HMCN1: variants seen among roughly 807,000 people sequenced by gnomAD.
HMCN1 encodes hemicentin-1.
In HMCN1, 321 loss-of-function variants were observed where a neutral mutation model predicts 625.9. The ratio of observed to expected loss-of-function variants is 0.51; its 90% confidence interval spans 0.47 to 0.56. HMCN1 has a LOEUF of 0.56. Ranked by LOEUF, HMCN1 falls within the 20% of genes least tolerant of loss-of-function variation. The pLI, the probability that HMCN1 is intolerant of heterozygous loss-of-function variation, is 0.00. For missense variants in HMCN1, 6,588 were observed against 6,887.3 expected, an observed-to-expected ratio of 0.96 and a Z score of 1.54; for synonymous variants, 2,425 against 2,417.6, an observed-to-expected ratio of 1.00 and a Z score of -0.09.
At chr1:185,867,849 T>A (rs1328001419) in intron 4 of HMCN1, among the ~76,000 whole-genome samples, 1 of 152,032 alleles carries the variant, frequency 6.6e-6, no homozygotes, top group Non-Finnish European at 1.5e-5. Flanking sequence ...AGCAGGTGGA[T>A]CACAAGGTCA....
chr1:186,094,410 G>C (rs1156737877), intron 67 of HMCN1, 37 bp downstream of exon 67: 1 of 1,457,116 alleles, frequency 6.9e-7, no homozygotes, highest in Admixed American at 1.7e-5. Context: ...ACTTTGCTAT[G>C]TCAAGTATTA....
chr1:185,940,879 T>C (rs1571589691), intron 11 of HMCN1, among the ~76,000 whole-genome samples: 2 of 152,338 alleles, frequency 1.3e-5, no homozygotes, highest in Middle Eastern at 3.4e-3. Flanking sequence ...TTCTCCTGCC[T>C]CAGCCTCCTC....
At chr1:186,011,844 C>T (rs1558142012) in intron 30 of HMCN1, among the ~76,000 whole-genome samples, 1 of 152,158 alleles carries the variant, frequency 6.6e-6, no homozygotes, top group Non-Finnish European at 1.5e-5. Flanking sequence ...CATTTTGAAA[C>T]ACTATGAAGT....
intron 17 of HMCN1, among the ~76,000 whole-genome samples, 161 bp downstream of exon 17, chr1:185,981,234 G>A (rs1471058251): frequency 6.6e-6 from 1 of 151,948 alleles, no homozygotes; most frequent in Non-Finnish European, 1.5e-5. Flanking sequence ...TTCTTAGAAT[G>A]TTAGTCCTGG....
intron 1 of HMCN1, among the ~76,000 whole-genome samples, chr1:185,834,934 T>C (rs1014789423): frequency 1.3e-5 from 2 of 152,166 alleles, no homozygotes. Context: ...GCCTCTTATA[T>C]AGAAAAAATA....
rs375218696 is a variant in HMCN1 at position 186,154,014 on chromosome 1, C to A, written c.15256+27C>A. 36 of 1,562,760 alleles carry A rather than the reference C, an allele frequency of 2.3e-5. No homozygotes were observed. The African/African-American group carries it at 3.8e-4, about 16-fold the overall frequency. On this transcript the variant is annotated intron_variant, in intron 97 of 106. Coordinates refer to ENST00000271588, the MANE Select transcript of HMCN1 (RefSeq NM_031935.3). Reference sequence around the variant, plus strand: ...TAATTTGATAAAAGAAAATCCATATCTTTATGCCATCCAGTCTAAAGGGTT... The same window carrying A: ...TAATTTGATAAAAGAAAATCCATATATTTATGCCATCCAGTCTAAAGGGTT...
intron 1 of HMCN1, among the ~76,000 whole-genome samples, chr1:185,784,561 G>A (rs191487581): frequency 2.2e-4 from 33 of 152,082 alleles, no homozygotes; most frequent in East Asian, 1.9e-3. Context: ...GGTTTTGATA[G>A]TTGTGCTTTT....
intron 1 of HMCN1, among the ~76,000 whole-genome samples, chr1:185,816,201 A>G (rs913950523): frequency 1.3e-5 from 2 of 152,220 alleles, no homozygotes; most frequent in Non-Finnish European, 2.9e-5. Context: ...GGAAGAACAA[A>G]TTATAGGCAG....
intron 105 of HMCN1, 69 bp from the exon 106 acceptor site, chr1:186,187,813 AC>A: frequency 2.5e-6 from 4 of 1,598,018 alleles, no homozygotes; most frequent in Non-Finnish European, 3.4e-6. Flanking sequence ...TCACACATCT[AC>A]AGTGCCTGCT....
At chr1:185,851,761 AG>A (rs1662175359) in intron 2 of HMCN1, among the ~76,000 whole-genome samples, 1 of 152,028 alleles carries the variant, frequency 6.6e-6, no homozygotes, top group South Asian at 2.1e-4. Context: ...AATGTTTTAA[AG>A]AACAGAAAGT....
At chr1:185,908,202 C>T (rs1316799495) in intron 4 of HMCN1, among the ~76,000 whole-genome samples, 3 of 151,258 alleles carry the variant, frequency 2.0e-5, no homozygotes, top group African/African-American at 7.3e-5. Flanking sequence ...GTCTTAGATG[C>T]TTCCCTTATC....
intron 24 of HMCN1, among the ~76,000 whole-genome samples, chr1:185,996,055 A>C (rs933962536): frequency 2.0e-5 from 3 of 152,160 alleles, no homozygotes; most frequent in Non-Finnish European, 1.5e-5. Flanking sequence ...TGTTCATTCC[A>C]CAAACTTTAT....
chr1:185,845,391 TG>T (rs1216991803), intron 1 of HMCN1, among the ~76,000 whole-genome samples: 1 of 152,100 alleles, frequency 6.6e-6, no homozygotes, highest in African/African-American at 2.4e-5. Flanking sequence ...CTAATTTTTT[TG>T]TATCTTTTAG....
In HMCN1 at chr1:185,990,348, G is replaced by T; in HGVS notation, c.3282G>T (p.Gly1094=). 6.2e-7 allele frequency: 1 copy of T among 1,613,842 alleles called. No homozygotes were observed. Among genetic ancestry groups the T allele is most frequent in the Non-Finnish European group, 8.5e-7 (1 of 1,179,758 alleles). The stretch of plus-strand genomic sequence containing the variant: ...CTGTTGAGATCTCCGTCCTTGCAGG[G>T]GAAGAGGTAACACTTCCATGTGAAG... ...DKPVEISVLA[G]EEVTLPCEVK... is the part of the protein sequence containing the mutation. Residue 1094 remains glycine (G), a synonymous_variant, in exon 22 of 107, where the codon GGG becomes GGT. Coordinates refer to ENST00000271588, the MANE Select transcript of HMCN1 (RefSeq NM_031935.3).
chr1:185,833,575 C>T (rs1212793436), intron 1 of HMCN1, among the ~76,000 whole-genome samples: 1 of 152,044 alleles, frequency 6.6e-6, no homozygotes, highest in Non-Finnish European at 1.5e-5. Flanking sequence ...AACTCAATTT[C>T]AATTGCTTTG....
intron 2 of HMCN1, among the ~76,000 whole-genome samples, chr1:185,853,965 G>A (rs773206723): frequency 1.3e-5 from 2 of 152,178 alleles, no homozygotes; most frequent in African/African-American, 2.4e-5. Context: ...ACTAAACTAT[G>A]ATGCCTGGAT....
intron 97 of HMCN1, among the ~76,000 whole-genome samples, chr1:186,154,318 A>C (rs1210022070): frequency 6.6e-6 from 1 of 152,102 alleles, no homozygotes; most frequent in Non-Finnish European, 1.5e-5. Flanking sequence ...GAGGCAGGTG[A>C]ATCACCTGAG....
At chr1:185,834,501 A>G (rs1298084968) in intron 1 of HMCN1, among the ~76,000 whole-genome samples, 1 of 152,182 alleles carries the variant, frequency 6.6e-6, no homozygotes, top group Non-Finnish European at 1.5e-5. Flanking sequence ...GGGTCTCCAT[A>G]GGGTAACAGG....
chr1:186,188,278 G>A (rs571185233), intron 106 of HMCN1, among the ~76,000 whole-genome samples: 1 of 152,308 alleles, frequency 6.6e-6, no homozygotes, highest in South Asian at 2.1e-4. Flanking sequence ...GGTGGGTTCT[G>A]CCTCAGCAGC....
Sources: gnomAD v4.1 joint callset for allele counts (sites outside exome capture counted in the v4.1 genomes callset) on GRCh38, gnomAD v4.1.1 for gene constraint, MANE v1.5 for transcripts, NCBI Gene and HGNC (gene_info 2026-07-23, HGNC 2026-07-21) for gene names.